The following ADCY8 variants were observed in gnomAD, a reference collection of about 807,000 sequenced individuals.
ADCY8 encodes the protein adenylate cyclase 8, also known as adenylate cyclase type 8.
In ADCY8, 51 loss-of-function variants were observed where a neutral mutation model predicts 119.7. The ratio of observed to expected loss-of-function variants is 0.43; its 90% confidence interval spans 0.34 to 0.54. ADCY8 has a LOEUF of 0.54. Among genes scored for constraint, ADCY8 ranks in the 20% least tolerant of loss-of-function variants. The probability of loss-of-function intolerance (pLI) is 0.03; values close to 1 mark genes in which losing one functional copy is unlikely to be tolerated. For synonymous variants in ADCY8, 665 were observed against 651.0 expected, an observed-to-expected ratio of 1.02 and a Z score of -0.33; for missense variants, 1,383 against 1,598.8, an observed-to-expected ratio of 0.87 and a Z score of 2.30.
chr8:130,785,487 C>A lies in ADCY8; in HGVS notation c.3061-12G>T. On this transcript the variant is annotated splice_polypyrimidine_tract_variant and intron_variant, in intron 15 of 17. Coordinates refer to ENST00000286355, the MANE Select transcript of ADCY8 (RefSeq NM_001115.3). ...TCTTCACCAAGCAACTGAAAGAGAG[C>A]CAGGCAATGGTGTTAGCCCTGGTGT... The A allele has an allele frequency of 6.3e-7, 1 of 1,599,908 alleles. No homozygotes were observed. Among genetic ancestry groups the A allele is most frequent in the Admixed American group, 1.7e-5 (1 of 58,790 alleles).
At chr8:130,954,900 G>A (rs1358836404) in intron 2 of ADCY8, among the ~76,000 whole-genome samples, 1 of 152,176 alleles carries the variant, frequency 6.6e-6, no homozygotes, top group Non-Finnish European at 1.5e-5. Context: ...CTAACAGTAT[G>A]CAACAAAGCC....
chr8:130,885,336 C>T (rs994337542), intron 7 of ADCY8, among the ~76,000 whole-genome samples: 1 of 151,950 alleles, frequency 6.6e-6, no homozygotes, highest in Admixed American at 6.6e-5. Context: ...GTCCCTCCCT[C>T]AGCATAGGCC....
At chr8:130,975,455 A>C (rs913746318) in intron 2 of ADCY8, among the ~76,000 whole-genome samples, 1 of 152,216 alleles carries the variant, frequency 6.6e-6, no homozygotes, top group Non-Finnish European at 1.5e-5. Flanking sequence ...ATGCAGGAGC[A>C]AGAAACTCCC....
chr8:130,800,561 A>C lies in ADCY8; in HGVS notation c.2925T>G (p.Ser975=), dbSNP rs1282749703. 1 of 1,613,958 alleles carries C rather than the reference A, an allele frequency of 6.2e-7. No individual in the cohort carries two copies. Among genetic ancestry groups the C allele is most frequent in the African/African-American group, 1.3e-5 (1 of 74,928 alleles). ...EKDRDNEELY[S]QSYDAVGVMF... ...TCACCCCAACAGCATCATAGGATTG[A>C]GAATACAGCTCCTGGACAGAGACAC... The change falls in exon 15 of 18, where the codon TCT becomes TCG. Residue 975 remains serine (S), a synonymous_variant. Transcript: ENST00000286355.
intron 1 of ADCY8, among the ~76,000 whole-genome samples, chr8:131,028,643 G>C (rs2130805638): frequency 6.6e-6 from 1 of 152,250 alleles, no homozygotes; most frequent in Middle Eastern, 3.4e-3. Flanking sequence ...TCTAAAATCT[G>C]ACTTTGGTTT....
Position 130,990,373 on chromosome 8 carries a change from A to G in ADCY8, c.1110+20T>C. The G allele has an allele frequency of 6.2e-7, 1 of 1,612,952 alleles. No homozygotes were observed. The highest frequency in any genetic ancestry group is 8.5e-7 in the Non-Finnish European group (1 of 1,179,494). On this transcript the variant is annotated intron_variant, in intron 2 of 17. Coordinates refer to ENST00000286355, the MANE Select transcript of ADCY8 (RefSeq NM_001115.3). The stretch of plus-strand genomic sequence containing the variant: ...ACTGGCTAGGTGATAACTAAAACAC[A>G]CAGCCTTGTCAGTTGGTACCTGTCT...
intron 5 of ADCY8, among the ~76,000 whole-genome samples, chr8:130,916,670 C>A: frequency 6.6e-6 from 1 of 152,228 alleles, no homozygotes; most frequent in East Asian, 1.9e-4. Flanking sequence ...GGGCGGAAAC[C>A]GCTTAAAGGC....
intron 14 of ADCY8, among the ~76,000 whole-genome samples, chr8:130,805,127 T>A (rs1015152783): frequency 1.3e-5 from 2 of 152,164 alleles, no homozygotes; most frequent in African/African-American, 4.8e-5. Context: ...AATGTGATAA[T>A]AATATTAGCT....
chr8:131,039,112 T>C (rs565416773), intron 1 of ADCY8, among the ~76,000 whole-genome samples: 2 of 152,314 alleles, frequency 1.3e-5, no homozygotes, highest in African/African-American at 4.8e-5. Flanking sequence ...AAGCAGACTT[T>C]CTTAGCTGAT....
intron 7 of ADCY8, chr8:130,892,382 G>A (rs2130487674): frequency 6.6e-6 from 1 of 152,208 alleles, no homozygotes; most frequent in South Asian, 2.1e-4. Context: ...TCCTTTGATT[G>A]ACTTTTGTTC....
chr8:130,943,482 T>TGGGG lies in ADCY8; in HGVS notation c.1242-24_1242-21dup. 1 of 166,080 alleles carries TGGGG rather than the reference T, an allele frequency of 6.0e-6. No individual in the cohort carries two copies. Among genetic ancestry groups the TGGGG allele is most frequent in the Non-Finnish European group, 1.3e-5 (1 of 79,354 alleles). 10.3% of individuals were successfully genotyped at this position (166,080 alleles called of 1,614,324 possible). ...AGAATACTAAACACAGGGAAGAGGG[T>TGGGG]GGGGGTGGGGGGAGGAAGTATATTA... On this transcript the variant is annotated intron_variant, in intron 3 of 17. Coordinates refer to ENST00000286355, the MANE Select transcript of ADCY8 (RefSeq NM_001115.3).
At chr8:130,805,481 G>A (rs1222063161) in intron 14 of ADCY8, among the ~76,000 whole-genome samples, 1 of 152,206 alleles carries the variant, frequency 6.6e-6, no homozygotes, top group African/African-American at 2.4e-5. Context: ...GTAAGAAAGA[G>A]CTTGAAGAAA....
At chr8:130,815,146 G>C (rs1386568016) in intron 13 of ADCY8, among the ~76,000 whole-genome samples, 3 of 152,140 alleles carry the variant, frequency 2.0e-5, no homozygotes, top group Non-Finnish European at 4.4e-5. Context: ...GCCAGGTTGG[G>C]ATACAGCAAG....
chr8:130,882,348 C>T (rs1467635359), intron 8 of ADCY8, among the ~76,000 whole-genome samples: 1 of 152,076 alleles, frequency 6.6e-6, no homozygotes, highest in Admixed American at 6.6e-5. Flanking sequence ...ATTCTGGAAT[C>T]CTATGTATTT....
chr8:130,982,885 C>T (rs538903310), intron 2 of ADCY8, among the ~76,000 whole-genome samples: 4 of 152,222 alleles, frequency 2.6e-5, no homozygotes, highest in Middle Eastern at 6.8e-3. Flanking sequence ...TGTACATGCA[C>T]AGCATGTCTC....
intron 13 of ADCY8, among the ~76,000 whole-genome samples, chr8:130,815,110 T>C (rs1268682199): frequency 2.6e-5 from 4 of 152,002 alleles, no homozygotes; most frequent in Non-Finnish European, 5.9e-5. Context: ...GCTCTTTCTC[T>C]CTCCACATGC....
chr8:130,906,192 A>G (rs1490805252), intron 6 of ADCY8, among the ~76,000 whole-genome samples: 1 of 152,240 alleles, frequency 6.6e-6, no homozygotes, highest in African/African-American at 2.4e-5. Flanking sequence ...TATGAACTCA[A>G]TAATATTGAC....
intron 15 of ADCY8, among the ~76,000 whole-genome samples, chr8:130,798,635 G>C (rs1815664026): frequency 6.6e-6 from 1 of 152,200 alleles, no homozygotes; most frequent in African/African-American, 2.4e-5. Context: ...TCCTGCCTTT[G>C]GTGATTGCTA....
At chr8:130,852,805 G>T (rs1341437823) in intron 9 of ADCY8, among the ~76,000 whole-genome samples, 2 of 152,100 alleles carry the variant, frequency 1.3e-5, no homozygotes, top group Non-Finnish European at 2.9e-5. Flanking sequence ...TGTCGCCAGT[G>T]CTATGCACTT....
Sources: gnomAD v4.1 joint callset for allele counts (sites outside exome capture counted in the v4.1 genomes callset) on GRCh38, gnomAD v4.1.1 for gene constraint, MANE v1.5 for transcripts, NCBI Gene and HGNC (gene_info 2026-07-23, HGNC 2026-07-21) for gene names.